Variants in TXLNB observed in about 807,000 individuals in gnomAD.
TXLNB encodes the protein beta-taxilin.
In TXLNB, 37 loss-of-function variants were observed where a neutral mutation model predicts 57.4. The ratio of observed to expected loss-of-function variants is 0.64; its 90% CI spans 0.50 to 0.85. The LOEUF (loss-of-function observed/expected upper bound fraction) is 0.85. Among genes scored for constraint, TXLNB ranks in the 40% least tolerant of loss-of-function variants. TXLNB has a pLI of 0.00. For synonymous variants in TXLNB, 302 were observed against 309.6 expected, an observed-to-expected ratio of 0.98 and a Z score of 0.26; for missense variants, 848 against 825.6, an observed-to-expected ratio of 1.03 and a Z score of -0.33.
chr6:139,220,629 C>T, the TXLNB span, among the ~76,000 whole-genome samples: 3 of 152,138 alleles, frequency 2.0e-5, no homozygotes, highest in African/African-American at 4.8e-5. Context: ...CTAGGGTTGG[C>T]GTTATTAACT....
the TXLNB span, among the ~76,000 whole-genome samples, chr6:139,174,953 G>GA: frequency 6.6e-6 from 1 of 152,010 alleles, no homozygotes; most frequent in African/African-American, 2.4e-5. Context: ...ATTTCTAATA[G>GA]AAAAAATGTT....
At chr6:139,296,619 G>C (rs1231140708), upstream of TXLNB, among the ~76,000 whole-genome samples, 4 of 151,994 alleles carry the variant, frequency 2.6e-5, no homozygotes, top group Non-Finnish European at 5.9e-5. Context: ...GTCCTCCTCT[G>C]AGCCTCATAT....
the TXLNB span, among the ~76,000 whole-genome samples, chr6:139,206,711 T>C: frequency 1.5e-3 from 232 of 151,664 alleles, 7 homozygotes; most frequent in South Asian, 0.044. Flanking sequence ...AGAATGGATT[T>C]AAAAAAACCT....
the TXLNB span, among the ~76,000 whole-genome samples, chr6:139,195,918 C>CCCAT: frequency 6.6e-6 from 1 of 151,978 alleles, no homozygotes; most frequent in South Asian, 2.1e-4. Flanking sequence ...TGACATTTTT[C>CCCAT]CCATCATGTT....
chr6:139,307,665 C>G, the TXLNB span, among the ~76,000 whole-genome samples: 1 of 152,134 alleles, frequency 6.6e-6, no homozygotes, highest in Admixed American at 6.5e-5. Flanking sequence ...CCAGGACAAC[C>G]TTATTATACC....
At chr6:139,245,058 G>A (rs927059117) in intron 8 of TXLNB, among the ~76,000 whole-genome samples, 3 of 152,210 alleles carry the variant, frequency 2.0e-5, no homozygotes, top group African/African-American at 7.2e-5. Context: ...GGGAAAGCTG[G>A]CATGGCCTTT....
At chr6:139,235,578 G>C (rs116150500), downstream of TXLNB, among the ~76,000 whole-genome samples, 217 of 152,302 alleles carry the variant, frequency 1.4e-3, no homozygotes, top group African/African-American at 4.6e-3. Context: ...GTGGGACCAG[G>C]TGGAGGTAAT....
chr6:139,323,608 A>G, the TXLNB span, among the ~76,000 whole-genome samples: 2 of 152,110 alleles, frequency 1.3e-5, no homozygotes, highest in Non-Finnish European at 2.9e-5. Flanking sequence ...ATTTACTTAT[A>G]TAATAATAAA....
chr6:139,178,996 G>A, the TXLNB span: 1 of 152,168 alleles, frequency 6.6e-6, no homozygotes, highest in Non-Finnish European at 1.5e-5. Context: ...CTGCATCTAG[G>A]TTGGTGTTTG....
chr6:139,318,364 T>G, the TXLNB span, among the ~76,000 whole-genome samples: 1 of 145,452 alleles, frequency 6.9e-6, no homozygotes, highest in Non-Finnish European at 1.5e-5. Flanking sequence ...GAAGAAGAGA[T>G]ATATGAAAAG....
the TXLNB span, among the ~76,000 whole-genome samples, chr6:139,210,693 C>T: frequency 6.6e-6 from 1 of 152,226 alleles, no homozygotes; most frequent in African/African-American, 2.4e-5. Context: ...CATCGCCTCA[C>T]CCGGGAAGTG....
the TXLNB span, among the ~76,000 whole-genome samples, chr6:139,222,779 C>T: frequency 3.9e-5 from 6 of 152,250 alleles, no homozygotes; most frequent in African/African-American, 1.4e-4. Context: ...TGCACTCCAG[C>T]CTGGGTGACA....
the TXLNB span, chr6:139,180,167 T>TA: frequency 1.3e-5 from 2 of 152,228 alleles, no homozygotes; most frequent in Admixed American, 1.3e-4. Flanking sequence ...CTTTAACTTC[T>TA]AGGTTTTGTT....
At chr6:139,187,166 C>A in the TXLNB span, among the ~76,000 whole-genome samples, 1 of 152,194 alleles carries the variant, frequency 6.6e-6, no homozygotes, top group Non-Finnish European at 1.5e-5. Context: ...CCCCCCTGCA[C>A]CTCCCTACCC....
the TXLNB span, among the ~76,000 whole-genome samples, chr6:139,198,841 G>T: frequency 6.6e-6 from 1 of 152,186 alleles, no homozygotes; most frequent in African/African-American, 2.4e-5. Context: ...GCCTCCCACT[G>T]CTGCTAACCC....
the TXLNB span, among the ~76,000 whole-genome samples, chr6:139,204,835 C>T: frequency 5.9e-5 from 9 of 152,114 alleles, no homozygotes; most frequent in Non-Finnish European, 8.8e-5. Context: ...CTATCATTCA[C>T]CCAGCTATTC....
the TXLNB span, chr6:139,167,357 G>A: frequency 6.7e-7 from 1 of 1,487,270 alleles, no homozygotes; most frequent in Non-Finnish European, 9.2e-7. Flanking sequence ...CCTGCTTTCT[G>A]TTTGTTAAAA....
At chr6:139,159,314 C>G in the TXLNB span, 1 of 152,116 alleles carries the variant, frequency 6.6e-6, no homozygotes, top group Admixed American at 6.5e-5. Flanking sequence ...TCTCTGCAAA[C>G]AAGGGGATTT....
intron 2 of TXLNB, among the ~76,000 whole-genome samples, chr6:139,288,115 G>C (rs1280452450): frequency 6.6e-6 from 1 of 152,258 alleles, no homozygotes; most frequent in African/African-American, 2.4e-5. Context: ...AGTAGTGGTG[G>C]TGGTGGTAAT....
Sources: allele counts gnomAD v4.1 joint callset (sites outside exome capture counted in the v4.1 genomes callset), GRCh38; gene constraint gnomAD v4.1.1; transcripts MANE v1.5; gene names NCBI Gene and HGNC (gene_info 2026-07-23, HGNC 2026-07-21).